Variants in SCHIP1 observed in about 807,000 individuals in gnomAD.
SCHIP1 encodes the protein schwannomin-interacting protein 1.
Under a neutral mutation model 29.7 loss-of-function variants are expected in SCHIP1, and 8 were observed. The observed-to-expected ratio is 0.27, with a 90% CI of 0.16 to 0.49. SCHIP1 has a LOEUF of 0.49. Ranked by LOEUF, SCHIP1 falls within the 20% of genes least tolerant of loss-of-function variation. SCHIP1 has a pLI of 0.99. For synonymous variants in SCHIP1, 76 were observed against 94.9 expected, an observed-to-expected ratio of 0.80 and a Z score of 1.16; for missense variants, 193 against 294.6, an observed-to-expected ratio of 0.66 and a Z score of 2.52.
chr3:159,742,242 G>A, the SCHIP1 span, among the ~76,000 whole-genome samples: 1 of 152,056 alleles, frequency 6.6e-6, no homozygotes, highest in Non-Finnish European at 1.5e-5. Context: ...AAGAAATGCA[G>A]TTGATTGCGC....
At chr3:159,428,434 GA>G in the SCHIP1 span, among the ~76,000 whole-genome samples, 1 of 152,208 alleles carries the variant, frequency 6.6e-6, no homozygotes, top group African/African-American at 2.4e-5. Context: ...AGCCAAAAAA[GA>G]CATGCAAAAA....
At chr3:159,724,664 T>C in the SCHIP1 span, among the ~76,000 whole-genome samples, 1 of 152,160 alleles carries the variant, frequency 6.6e-6, no homozygotes, top group African/African-American at 2.4e-5. Flanking sequence ...AAAAAAGTGA[T>C]AATTTGAAAT....
At chr3:159,409,096 G>A in the SCHIP1 span, among the ~76,000 whole-genome samples, 6 of 152,014 alleles carry the variant, frequency 3.9e-5, no homozygotes, top group Non-Finnish European at 8.8e-5. Context: ...ATCCCTTCAT[G>A]ACAAAAACCC....
intron 1 of SCHIP1, among the ~76,000 whole-genome samples, chr3:159,850,131 T>C (rs1461531265): frequency 1.3e-5 from 2 of 152,212 alleles, no homozygotes; most frequent in Non-Finnish European, 2.9e-5. Flanking sequence ...TTTCATTTCT[T>C]GAGGCTTCAT....
the SCHIP1 span, among the ~76,000 whole-genome samples, chr3:159,505,800 A>C: frequency 2.0e-5 from 3 of 152,136 alleles, no homozygotes; most frequent in African/African-American, 7.2e-5. Flanking sequence ...AGGAAATGAA[A>C]TCACCATTTT....
chr3:159,423,027 A>C, the SCHIP1 span, among the ~76,000 whole-genome samples: 1 of 152,264 alleles, frequency 6.6e-6, no homozygotes, highest in African/African-American at 2.4e-5. Context: ...AAAGAAAAAC[A>C]TACAAATATG....
chr3:159,827,552 T>C, the SCHIP1 span, among the ~76,000 whole-genome samples: 1 of 152,168 alleles, frequency 6.6e-6, no homozygotes, highest in African/African-American at 2.4e-5. Context: ...AAGCCTGTAA[T>C]CCCAGCACTT....
chr3:159,367,151 G>C, the SCHIP1 span, among the ~76,000 whole-genome samples: 1 of 152,146 alleles, frequency 6.6e-6, no homozygotes, highest in Non-Finnish European at 1.5e-5. Context: ...CCTCCAGGTT[G>C]GGAGGCCAAG....
At chr3:159,377,240 T>G in the SCHIP1 span, among the ~76,000 whole-genome samples, 2 of 152,152 alleles carry the variant, frequency 1.3e-5, no homozygotes, top group Non-Finnish European at 2.9e-5. Flanking sequence ...TTGCTTAGTT[T>G]CCAATCAAGA....
At chr3:159,425,066 G>A in the SCHIP1 span, among the ~76,000 whole-genome samples, 47 of 151,530 alleles carry the variant, frequency 3.1e-4, no homozygotes, top group East Asian at 7.8e-4. Context: ...AGGAACAACC[G>A]GTACCAGCCG....
At chr3:159,424,702 T>C in the SCHIP1 span, among the ~76,000 whole-genome samples, 1 of 152,138 alleles carries the variant, frequency 6.6e-6, no homozygotes, top group South Asian at 2.1e-4. Flanking sequence ...GCCACAAAGA[T>C]ACTCCTCGAG....
the SCHIP1 span, among the ~76,000 whole-genome samples, chr3:159,667,983 G>A: frequency 2.6e-4 from 39 of 152,242 alleles, no homozygotes; most frequent in Admixed American, 3.9e-4. Context: ...CCACTTTGGG[G>A]GACCCTAGGT....
the SCHIP1 span, among the ~76,000 whole-genome samples, chr3:159,661,611 G>A: frequency 6.6e-6 from 1 of 152,192 alleles, no homozygotes; most frequent in Non-Finnish European, 1.5e-5. Context: ...AACACGTAGT[G>A]TTTTGCTTAG....
At chr3:159,387,540 T>C in the SCHIP1 span, 1 of 160,254 alleles carries the variant, frequency 6.2e-6, no homozygotes, top group Non-Finnish European at 1.4e-5. Flanking sequence ...TTTTGACCAA[T>C]GAATTCAGAT....
chr3:159,616,511 A>G, the SCHIP1 span, among the ~76,000 whole-genome samples: 1 of 152,316 alleles, frequency 6.6e-6, no homozygotes, highest in East Asian at 1.9e-4. Flanking sequence ...GGAAATGATC[A>G]ACCATATGAG....
chr3:159,749,996 C>T, the SCHIP1 span, among the ~76,000 whole-genome samples: 4 of 151,790 alleles, frequency 2.6e-5, no homozygotes, highest in Admixed American at 2.0e-4. Flanking sequence ...GTAATACTAG[C>T]AATAATTCTA....
chr3:159,788,000 A>G, the SCHIP1 span, among the ~76,000 whole-genome samples: 4 of 152,194 alleles, frequency 2.6e-5, no homozygotes, highest in Non-Finnish European at 5.9e-5. Flanking sequence ...CTGATTTCAT[A>G]TAGCAGATGG....
the SCHIP1 span, among the ~76,000 whole-genome samples, chr3:159,378,338 A>G: frequency 9.2e-5 from 14 of 152,220 alleles, no homozygotes; most frequent in South Asian, 4.1e-4. Context: ...GTATCTGGAC[A>G]AAAAGAATAA....
chr3:159,724,686 T>A, the SCHIP1 span, among the ~76,000 whole-genome samples: 1 of 152,174 alleles, frequency 6.6e-6, no homozygotes, highest in East Asian at 1.9e-4. Flanking sequence ...TCGGGGAGGA[T>A]GTCAAGAAAA....
Sources: allele counts gnomAD v4.1 joint callset (sites outside exome capture counted in the v4.1 genomes callset), GRCh38; gene constraint gnomAD v4.1.1; transcripts MANE v1.5; gene names NCBI Gene and HGNC (gene_info 2026-07-23, HGNC 2026-07-21).